Variants in SLC35F3 observed in about 807,000 individuals in gnomAD.
SLC35F3 encodes the protein putative thiamine transporter SLC35F3.
Under a neutral mutation model 49.9 loss-of-function variants are expected in SLC35F3, and 25 were observed. That is an observed-to-expected ratio of 0.50 (90% CI 0.37 to 0.70). SLC35F3 has a LOEUF of 0.70. Among genes scored for constraint, SLC35F3 ranks in the 30% least tolerant of loss-of-function variants. SLC35F3 has a pLI of 0.00. For missense variants in SLC35F3, 525 were observed against 639.8 expected (o/e 0.82, Z 1.94); for synonymous variants, 275 against 265.4 (o/e 1.04, Z -0.35).
rs146827845 is a variant in SLC35F3 at position 233,914,331 on chromosome 1, G to A, written c.283+8573G>A. On this transcript the variant is annotated intron_variant, in intron 2 of 7. Coordinates refer to ENST00000366618, the MANE Select transcript of SLC35F3 (RefSeq NM_173508.4). ...GCTAGTCTACATAAAAGAAGGCAGC[G>A]GCAGGTGTGTCAAGTAACCCAGAGA... Among the ~76,000 whole-genome samples, 722 of 152,268 alleles carry A rather than the reference G, an allele frequency of 4.7e-3. 7 individuals carry two copies. The highest frequency in any genetic ancestry group is 0.016 in the African/African-American group (679 of 41,546).
intron 2 of SLC35F3, among the ~76,000 whole-genome samples, chr1:234,137,702 G>A (rs1665831962): frequency 6.6e-6 from 1 of 152,196 alleles, no homozygotes; most frequent in Non-Finnish European, 1.5e-5. Flanking sequence ...ACCGAAGATG[G>A]AGCTGAAAGT....
At position 233,904,945 on chromosome 1, in the gene SLC35F3, G is replaced by C; in HGVS notation, c.-133G>C. The C allele has an allele frequency of 9.9e-7, 1 of 1,011,642 alleles. No individual in the cohort carries two copies. The highest frequency in any genetic ancestry group is 1.4e-6 in the Non-Finnish European group (1 of 722,100). 62.7% of individuals were successfully genotyped at this position (1,011,642 alleles called of 1,614,324 possible). A position where few individuals can be genotyped will look rare whatever the true frequency, so the allele number is the denominator to read the frequency against. On this transcript the variant is annotated 5_prime_UTR_variant, in exon 1 of 8. Transcript: ENST00000366618. ...CGCGGGCGCGCACAAAGCGGCCCGGGGCGGCCGGCGCGGCGCAGACCCTCG... is the reference window on the plus strand; with the variant it reads ...CGCGGGCGCGCACAAAGCGGCCCGGCGCGGCCGGCGCGGCGCAGACCCTCG...
chr1:234,161,380 TACAC>T (rs1666225098), intron 2 of SLC35F3, among the ~76,000 whole-genome samples: 2 of 151,828 alleles, frequency 1.3e-5, no homozygotes, highest in Non-Finnish European at 2.9e-5. Flanking sequence ...AGGTTGATGC[TACAC>T]TGCACTTAGA....
chr1:234,302,794 C>T (rs771505814), intron 3 of SLC35F3, among the ~76,000 whole-genome samples: 5 of 152,064 alleles, frequency 3.3e-5, no homozygotes, highest in Non-Finnish European at 7.3e-5. Flanking sequence ...AAACTGTACC[C>T]CTCAAAGCTG....
chr1:234,135,377 A>G (rs541286568), intron 2 of SLC35F3, among the ~76,000 whole-genome samples: 1 of 152,212 alleles, frequency 6.6e-6, no homozygotes, highest in Non-Finnish European at 1.5e-5. Flanking sequence ...AAAATGAAAA[A>G]AATTAAAAAG....
chr1:234,267,699 C>G (rs1229176581), intron 3 of SLC35F3, among the ~76,000 whole-genome samples: 1 of 150,916 alleles, frequency 6.6e-6, no homozygotes, highest in Non-Finnish European at 1.5e-5. Flanking sequence ...ACTTCCCAGA[C>G]GGGGTGGCTG....
At chr1:234,278,759 T>C (rs2102979615) in intron 3 of SLC35F3, among the ~76,000 whole-genome samples, 1 of 151,968 alleles carries the variant, frequency 6.6e-6, no homozygotes, top group South Asian at 2.1e-4. Flanking sequence ...TGTCTTCTTG[T>C]TGTACCCTTA....
At chr1:234,002,497 A>T (rs1449874920) in intron 2 of SLC35F3, among the ~76,000 whole-genome samples, 1 of 151,900 alleles carries the variant, frequency 6.6e-6, no homozygotes, top group Non-Finnish European at 1.5e-5. Context: ...AATTTGTCTG[A>T]TTTTTTTTAT....
chr1:234,261,531 GGAT>G (rs1389201575), intron 3 of SLC35F3, among the ~76,000 whole-genome samples: 1 of 152,176 alleles, frequency 6.6e-6, no homozygotes, highest in Non-Finnish European at 1.5e-5. Context: ...TGAGCAGTGA[GGAT>G]GATCAGCTGT....
chr1:233,915,420 C>T (rs992153064), intron 2 of SLC35F3, among the ~76,000 whole-genome samples: 12 of 152,120 alleles, frequency 7.9e-5, no homozygotes, highest in African/African-American at 1.7e-4. Flanking sequence ...GTGGTGCGCA[C>T]GTGTAGTCCC....
At chr1:234,066,754 CCT>C (rs1225222290) in intron 2 of SLC35F3, among the ~76,000 whole-genome samples, 2 of 144,396 alleles carry the variant, frequency 1.4e-5, no homozygotes, top group African/African-American at 2.6e-5. Context: ...TCTTTCTCTC[CCT>C]CTCTCTCTCT....
In SLC35F3 at chr1:234,323,666, C is replaced by G. The variant is rs1360634958; in HGVS notation, c.*423C>G. On this transcript the variant is annotated 3_prime_UTR_variant, in exon 8 of 8. Transcript: ENST00000366618. The surrounding 1 kb of genome is among the most constrained non-coding windows in gnomAD (Gnocchi z 4.5). ...TATTTTGTTTTATACCAGAGCTGTA[C>G]TCTTAATTTTAAGGAATTTCAATGA... 6.2e-6 allele frequency: 1 copy of G among 161,326 alleles called. No homozygotes were observed. Among genetic ancestry groups the G allele is most frequent in the Non-Finnish European group, 1.4e-5 (1 of 73,700 alleles). 10.0% of individuals were successfully genotyped at this position (161,326 alleles called of 1,614,324 possible).
chr1:234,023,765 C>T (rs1277277835), intron 2 of SLC35F3, among the ~76,000 whole-genome samples: 1 of 151,988 alleles, frequency 6.6e-6, no homozygotes, highest in South Asian at 2.1e-4. Context: ...TGATGAAATG[C>T]CACTTTACCT....
chr1:234,304,757 C>T lies in SLC35F3; in HGVS notation c.609-4344C>T, dbSNP rs568517330. Among the ~76,000 whole-genome samples the T allele has an allele frequency of 8.5e-5, 13 of 152,316 alleles. No homozygotes were observed. In the South Asian group the frequency reaches 2.3e-3, roughly 27 times the overall value. ...AGGATAAATGTTATCTCCCCAATTA[C>T]ACCTTCTCATGAGCAGGGGCTGCTC... On this transcript the variant is annotated intron_variant, in intron 3 of 7. Transcript: ENST00000366618.
chr1:234,170,183 G>A (rs1666379299), intron 2 of SLC35F3, among the ~76,000 whole-genome samples: 1 of 152,190 alleles, frequency 6.6e-6, no homozygotes, highest in Non-Finnish European at 1.5e-5. Flanking sequence ...GAAGTCCCTT[G>A]TGCTGGCACT....
At chr1:234,039,887 G>A (rs979604482) in intron 2 of SLC35F3, among the ~76,000 whole-genome samples, 25 of 152,160 alleles carry the variant, frequency 1.6e-4, no homozygotes, top group Non-Finnish European at 3.4e-4. Flanking sequence ...TCTTAGTTCC[G>A]CCATCCACAG....
intron 2 of SLC35F3, among the ~76,000 whole-genome samples, chr1:234,008,220 C>T (rs1262374534): frequency 1.3e-5 from 2 of 152,180 alleles, no homozygotes; most frequent in African/African-American, 4.8e-5. Flanking sequence ...ATTTAGTCAA[C>T]ACCAATGGAG....
rs572148746 is a variant in SLC35F3 at position 234,167,695 on chromosome 1, GAGA to G, written c.284-63719_284-63717del. On this transcript the variant is annotated intron_variant, in intron 2 of 7. Coordinates refer to ENST00000366618, the MANE Select transcript of SLC35F3 (RefSeq NM_173508.4). ...AACGCCACTTCATAGCAAGCAGAGAGAGAAGGATTCATACTGAATAGGTCACAT... is the reference window on the plus strand; with the variant it reads ...AACGCCACTTCATAGCAAGCAGAGAGAGGATTCATACTGAATAGGTCACAT... Among the ~76,000 whole-genome samples, 13 of 152,260 alleles carry G rather than the reference GAGA, an allele frequency of 8.5e-5. No homozygotes were observed. The South Asian group carries it at 2.1e-3, about 24-fold the overall frequency.
chr1:233,933,203 T>C (rs1662272874), intron 2 of SLC35F3, among the ~76,000 whole-genome samples: 1 of 152,220 alleles, frequency 6.6e-6, no homozygotes, highest in Non-Finnish European at 1.5e-5. Flanking sequence ...GTTTTATCTA[T>C]GTTAATTGCA....
Sources: gnomAD v4.1 joint callset for allele counts (sites outside exome capture counted in the v4.1 genomes callset) on GRCh38, gnomAD v4.1.1 for gene constraint, Gnocchi (gnomAD v3.1) non-coding constraint, MANE v1.5 for transcripts, NCBI Gene and HGNC (gene_info 2026-07-23, HGNC 2026-07-21) for gene names.